DOP1A: variants seen among roughly 807,000 people sequenced by gnomAD.
The protein encoded by DOP1A is protein DOP1A.
Under a neutral mutation model 267.6 loss-of-function variants are expected in DOP1A, and 90 were observed. That is an observed-to-expected ratio of 0.34 (90% CI 0.28 to 0.40). The LOEUF (loss-of-function observed/expected upper bound fraction) is 0.40. DOP1A is among the 10% of genes least tolerant of loss of function. The probability of loss-of-function intolerance (pLI) is 1.00; values close to 1 mark genes in which losing one functional copy is unlikely to be tolerated. For synonymous variants in DOP1A, 932 were observed against 999.1 expected (o/e 0.93, Z 1.27); for missense variants, 2,437 against 2,900.4 (o/e 0.84, Z 3.67).
downstream of DOP1A, chr6:83,169,460 C>T: frequency 2.0e-6 from 2 of 1,011,996 alleles, no homozygotes; most frequent in Non-Finnish European, 2.8e-6. Flanking sequence ...CTAATGAAAA[C>T]CTTTTTTCAT....
At chr6:83,167,592 T>C (rs1786081285) in intron 38 of DOP1A, 10 of 1,149,302 alleles carry the variant, frequency 8.7e-6, no homozygotes, top group African/African-American at 8.0e-5. Context: ...TTGACTCTAT[T>C]CCTGTTCAAA....
rs772489350 is a variant in DOP1A, at chr6:83,132,247, A to G, written c.2688A>G (p.Leu896=). The change falls in exon 18 of 39, where the codon CTA becomes CTG. Residue 896 remains leucine, a synonymous_variant. Coordinates refer to ENST00000349129, the MANE Select transcript of DOP1A (RefSeq NM_015018.4). ...AGCATCACCAGAAGAGTGTGGAACT[A>G]TTTTATCAATTACATAACTTAGTTC... ...TPQHHQKSVE[L]FYQLHNLVPS... The G allele has an allele frequency of 8.1e-6, 13 of 1,613,866 alleles. No individual in the cohort carries two copies. In the South Asian group the frequency reaches 1.4e-4, roughly 18 times the overall value.
chr6:83,140,499 C>T, intron 23 of DOP1A, 96 bp downstream of exon 23: 1 of 984,170 alleles, frequency 1.0e-6, no homozygotes, highest in East Asian at 2.5e-5. Context: ...GTAGTATTTA[C>T]AGGACTCTGC....
At chr6:83,124,912 TTTAAAA>T (rs1170903179) in intron 13 of DOP1A, 93 bp downstream of exon 13, 1 of 1,068,238 alleles carries the variant, frequency 9.4e-7, no homozygotes, top group Admixed American at 2.4e-5. Context: ...ACATTTCATC[TTTAAAA>T]TTAAATTGAT....
Position 83,076,453 on chromosome 6 carries a change from T to C in DOP1A, c.-147+8674T>C, listed in dbSNP as rs184502207. On this transcript the variant is annotated intron_variant, in intron 1 of 38. Coordinates refer to ENST00000349129, the MANE Select transcript of DOP1A (RefSeq NM_015018.4). Reference sequence around the variant, plus strand: ...AAGGGAATCGCTTGGACCTGGGAGGTTGAGCCAAGATCGCACCACTGCACT... The same window carrying C: ...AAGGGAATCGCTTGGACCTGGGAGGCTGAGCCAAGATCGCACCACTGCACT... 5.3e-4 allele frequency among the ~76,000 whole-genome samples: 80 copies of C among 150,884 alleles called. 1 individual carries two copies. Among genetic ancestry groups the C allele is most frequent in the African/African-American group, 1.8e-3 (72 of 41,024 alleles).
At chr6:83,068,606 G>A (rs1429772549) in intron 1 of DOP1A, among the ~76,000 whole-genome samples, 3 of 152,224 alleles carry the variant, frequency 2.0e-5, no homozygotes, top group Admixed American at 2.0e-4. Context: ...CTGTTTGCCT[G>A]ACAAATAGGC....
chr6:83,082,809 A>G (rs969553419), intron 1 of DOP1A, among the ~76,000 whole-genome samples: 7 of 144,836 alleles, frequency 4.8e-5, no homozygotes, highest in Admixed American at 2.7e-4. Context: ...TTTTAAACCC[A>G]CTTTTTTTTT....
intron 4 of DOP1A, among the ~76,000 whole-genome samples, chr6:83,103,193 G>A (rs776347821): frequency 6.6e-6 from 1 of 152,184 alleles, no homozygotes; most frequent in African/African-American, 2.4e-5. Context: ...ACAGTAACCT[G>A]AATGGAATTG....
intron 6 of DOP1A, among the ~76,000 whole-genome samples, chr6:83,112,261 A>C (rs1774683557): frequency 6.6e-6 from 1 of 152,044 alleles, no homozygotes; most frequent in Admixed American, 6.6e-5. Context: ...AACTTAAAGG[A>C]AATAAGAATA....
At chr6:83,162,046 CCTA>C (rs1297079619) in intron 37 of DOP1A, among the ~76,000 whole-genome samples, 2 of 151,934 alleles carry the variant, frequency 1.3e-5, no homozygotes, top group African/African-American at 4.8e-5. Context: ...AAATATATAT[CCTA>C]CATGTATAAT....
intron 4 of DOP1A, among the ~76,000 whole-genome samples, chr6:83,102,372 G>T (rs1395737931): frequency 1.3e-5 from 2 of 152,158 alleles, no homozygotes; most frequent in Non-Finnish European, 1.5e-5. Context: ...TCTGTGATCT[G>T]GGGCCATTGT....
In DOP1A at chr6:83,140,368, G is replaced by C. The variant is rs45490298; in HGVS notation, c.5380G>C (p.Ala1794Pro). ...SSEKMTIAAS[A>P]SLTTINLGAT... ...AGAAAAGATGACTATTGCCGCATCC[G>C]CATCTCTTACCACTATTAATCTTGG... is the stretch of plus-strand genomic sequence containing the variant. The change falls in exon 23 of 39, where the codon GCA becomes CCA. Residue 1794 changes from alanine (A) to proline (P), a missense_variant. Ala to Pro is a conservative substitution (Grantham distance 27, BLOSUM62 -1). Transcript: ENST00000349129. 6.2e-7 allele frequency: 1 copy of C among 1,611,484 alleles called. No homozygotes were observed. The highest frequency in any genetic ancestry group is 2.2e-5 in the East Asian group (1 of 44,844).
Position 83,129,188 on chromosome 6 carries a change from T to C in DOP1A, c.2021T>C (p.Met674Thr). ...RSRKTAQKTA[M>T]QCCLEYVQQF... is the part of the protein sequence containing the mutation. ...AGGAAGACAGCCCAAAAGACTGCAA[T>C]GCAGTGCTGCTTGGAGTATGTCCAA... The change falls in exon 16 of 39, where the codon ATG (methionine) becomes ACG (threonine). Residue 674 changes from methionine (M) to threonine (T), a missense_variant. This residue lies in a region of DOP1A where 498 missense variants were observed against 513.5 expected (regional missense o/e 0.97). Coordinates refer to ENST00000349129, the MANE Select transcript of DOP1A (RefSeq NM_015018.4). 2 of 1,613,208 alleles carry C rather than the reference T, an allele frequency of 1.2e-6. No homozygotes were observed. The highest frequency in any genetic ancestry group is 1.7e-6 in the Non-Finnish European group (2 of 1,179,568).
rs142498923 is a variant in DOP1A, at chr6:83,115,787, A to T, written c.780+2366A>T. ...CTATAGTTACCGTGTTGTACCGTAGATCTTTTTGAACTTATTTTTCCCATC... is the reference window on the plus strand; with the variant it reads ...CTATAGTTACCGTGTTGTACCGTAGTTCTTTTTGAACTTATTTTTCCCATC... On this transcript the variant is annotated intron_variant, in intron 7 of 38. Coordinates refer to ENST00000349129, the MANE Select transcript of DOP1A (RefSeq NM_015018.4). Among the ~76,000 whole-genome samples the T allele has an allele frequency of 3.3e-5, 5 of 151,982 alleles. No homozygotes were observed. In the East Asian group the frequency reaches 9.6e-4, roughly 29 times the overall value.
chr6:83,075,313 A>G (rs886282071), intron 1 of DOP1A, among the ~76,000 whole-genome samples: 2 of 152,190 alleles, frequency 1.3e-5, no homozygotes, highest in Non-Finnish European at 2.9e-5. Context: ...ATGACAGATG[A>G]GGTCTCTCTG....
At chr6:83,123,113 C>A in intron 12 of DOP1A, 131 bp downstream of exon 12, 1 of 975,494 alleles carries the variant, frequency 1.0e-6, no homozygotes, top group Non-Finnish European at 1.4e-6. Flanking sequence ...ACTTACTATC[C>A]ATAATCTGAC....
chr6:83,095,910 G>C (rs1771402810), intron 1 of DOP1A, among the ~76,000 whole-genome samples: 1 of 152,106 alleles, frequency 6.6e-6, no homozygotes, highest in African/African-American at 2.4e-5. Flanking sequence ...GTGTCTTCAT[G>C]ATGTGGCAGC....
rs144317014 is a variant in DOP1A, at chr6:83,078,476, G to A, written c.-147+10697G>A. Among the ~76,000 whole-genome samples the A allele has an allele frequency of 5.8e-4, 88 of 152,250 alleles. 1 individual carries two copies. Among genetic ancestry groups the A allele is most frequent in the African/African-American group, 1.8e-3 (76 of 41,548 alleles). ...GTTGACATAGTCCAGGTATAAAATA[G>A]GCATGAATTAAAGACCATTCTGAAA... On this transcript the variant is annotated intron_variant, in intron 1 of 38. Transcript: ENST00000349129.
In DOP1A at chr6:83,096,755, T is replaced by C. The variant is rs991836522; in HGVS notation, c.-122T>C. 36 of 428,198 alleles carry C rather than the reference T, an allele frequency of 8.4e-5. No individual in the cohort carries two copies. The highest frequency in any genetic ancestry group is 4.1e-4 in the Admixed American group (10 of 24,514). The allele number at this position is 428,198 out of a possible 1,614,324, so 26.5% of individuals were successfully genotyped here. A position where few individuals can be genotyped will look rare whatever the true frequency, so the allele number is the denominator to read the frequency against. On this transcript the variant is annotated 5_prime_UTR_variant, in exon 2 of 39. Coordinates refer to ENST00000349129, the MANE Select transcript of DOP1A (RefSeq NM_015018.4). Reference sequence around the variant, plus strand: ...GGAAGGAACACACAAGTAGTTATCTTTCAGGCTGTCTTTGAATACTTCCAT... The same window carrying C: ...GGAAGGAACACACAAGTAGTTATCTCTCAGGCTGTCTTTGAATACTTCCAT...
Sources: allele counts gnomAD v4.1 joint callset (sites outside exome capture counted in the v4.1 genomes callset), GRCh38; gene constraint gnomAD v4.1.1; regional missense constraint gnomAD v4.1.1; transcripts MANE v1.5; gene names NCBI Gene and HGNC (gene_info 2026-07-23, HGNC 2026-07-21).